The following TNFRSF1B variants were observed in gnomAD, a reference collection of about 807,000 sequenced individuals.
The protein encoded by TNFRSF1B is TNF receptor superfamily member 1B.
A neutral mutation model predicts 44.6 loss-of-function variants in TNFRSF1B; 19 were observed. The ratio of observed to expected loss-of-function variants is 0.43; its 90% CI spans 0.30 to 0.62. The LOEUF (loss-of-function observed/expected upper bound fraction) is 0.62. Ranked by LOEUF, TNFRSF1B falls within the 20% of genes least tolerant of loss-of-function variation. The pLI is 0.16. For synonymous variants in TNFRSF1B, 252 were observed against 261.1 expected, an observed-to-expected ratio of 0.97 and a Z score of 0.34; for missense variants, 541 against 619.9, an observed-to-expected ratio of 0.87 and a Z score of 1.35.
At chr1:12,188,946 G>A in intron 2 of TNFRSF1B, 51 bp downstream of exon 2, 2 of 1,547,380 alleles carry the variant, frequency 1.3e-6, no homozygotes, top group Non-Finnish European at 8.9e-7. Context: ...AGGAGCGTGT[G>A]TGTACAGGGG....
At chr1:12,206,284 G>T (rs1639500226) in intron 9 of TNFRSF1B, among the ~76,000 whole-genome samples, 1 of 151,634 alleles carries the variant, frequency 6.6e-6, no homozygotes, top group Admixed American at 6.6e-5. Flanking sequence ...TGATGTGGGA[G>T]GATCACTTGA....
intron 1 of TNFRSF1B, among the ~76,000 whole-genome samples, chr1:12,183,768 G>C (rs76769120): frequency 0.1 from 12,035 of 116,036 alleles, 916 homozygotes; most frequent in Non-Finnish European, 0.14. Context: ...TAGCTAGCTA[G>C]CTATCTATTC....
rs1389964063 is a variant in TNFRSF1B, at chr1:12,209,039, G to A, written c.*2019G>A. On this transcript the variant is annotated 3_prime_UTR_variant, in exon 10 of 10. Transcript: ENST00000376259. ...CATGATGGAGCGCACCTGCCCCCTG[G>A]TGGACAGTCCTGGGAGAACCTCAGG... The A allele has an allele frequency of 6.6e-6, 1 of 152,258 alleles. No homozygotes were observed. Among genetic ancestry groups the A allele is most frequent in the African/African-American group, 2.4e-5 (1 of 41,450 alleles). 9.4% of individuals were successfully genotyped at this position (152,258 alleles called of 1,614,324 possible).
chr1:12,182,102 C>G (rs1233431263), intron 1 of TNFRSF1B, among the ~76,000 whole-genome samples: 1 of 152,206 alleles, frequency 6.6e-6, no homozygotes, highest in Non-Finnish European at 1.5e-5. Flanking sequence ...ACCCAGTCTT[C>G]CTGGCCAGGG....
chr1:12,175,623 C>A (rs1193413359), intron 1 of TNFRSF1B, among the ~76,000 whole-genome samples: 2 of 152,166 alleles, frequency 1.3e-5, no homozygotes, highest in Non-Finnish European at 2.9e-5. Context: ...ATTTCCTGAG[C>A]CTCGCAAGCC....
At chr1:12,198,362 A>G (rs902004015) in intron 8 of TNFRSF1B, among the ~76,000 whole-genome samples, 1 of 152,102 alleles carries the variant, frequency 6.6e-6, no homozygotes, top group Non-Finnish European at 1.5e-5. Flanking sequence ...GAAGTTAGTA[A>G]CTTTCCCAGT....
intron 1 of TNFRSF1B, among the ~76,000 whole-genome samples, chr1:12,183,850 T>TCTATCTACCTACCTAC (rs1390376605): frequency 7.3e-6 from 1 of 137,376 alleles, no homozygotes; most frequent in Non-Finnish European, 1.7e-5. Flanking sequence ...TATCTATCTA[T>TCTATCTACCTACCTAC]CTACCTACCT....
intron 8 of TNFRSF1B, among the ~76,000 whole-genome samples, chr1:12,196,278 G>A (rs912232384): frequency 2.6e-5 from 4 of 152,126 alleles, no homozygotes; most frequent in Non-Finnish European, 4.4e-5. Flanking sequence ...TCCAGCCTGG[G>A]CAATAGAGCA....
At chr1:12,173,471 T>C (rs576392747) in intron 1 of TNFRSF1B, among the ~76,000 whole-genome samples, 1 of 152,314 alleles carries the variant, frequency 6.6e-6, no homozygotes, top group East Asian at 1.9e-4. Flanking sequence ...AAGGACATGG[T>C]GGAGCTCCTT....
At chr1:12,204,265 C>G (rs17884550) in intron 9 of TNFRSF1B, among the ~76,000 whole-genome samples, 2,533 of 152,296 alleles carry the variant, frequency 0.017, 43 homozygotes, top group Non-Finnish European at 0.02. Flanking sequence ...TCATGGTCCC[C>G]CATCCACCCC....
rs1454402183 is a variant in TNFRSF1B, at chr1:12,180,726, CCTGA to C, written c.79-8064_79-8061del. On this transcript the variant is annotated intron_variant, in intron 1 of 9. Transcript: ENST00000376259. This position sits in a 1 kb window ranked among gnomAD's most constrained non-coding sequence, Gnocchi z 4.3. ...GGGACGGTGTGCAGGGAGGGTGGAA[CCTGA>C]CTGACCGGGTCAGCCTTACTCTTCC... Among the ~76,000 whole-genome samples, 5 of 152,150 alleles carry C rather than the reference CCTGA, an allele frequency of 3.3e-5. No homozygotes were observed. The East Asian group carries it at 9.6e-4, about 29-fold the overall frequency.
At chr1:12,179,673 G>A (rs1365363715) in intron 1 of TNFRSF1B, among the ~76,000 whole-genome samples, 2 of 152,208 alleles carry the variant, frequency 1.3e-5, no homozygotes, top group African/African-American at 4.8e-5. Context: ...TCTGTAAAAT[G>A]AGGGAGCAGG....
intron 8 of TNFRSF1B, 88 bp downstream of exon 8, chr1:12,194,706 C>T: frequency 6.6e-7 from 1 of 1,516,048 alleles, no homozygotes; most frequent in Non-Finnish European, 9.2e-7. Flanking sequence ...TGAATTCTGT[C>T]ATTGGTCTGT....
chr1:12,207,001 C>T lies in TNFRSF1B; in HGVS notation c.1367C>T (p.Ala456Val), dbSNP rs1416244762. The T allele has an allele frequency of 6.3e-7, 1 of 1,590,402 alleles. No homozygotes were observed. Among genetic ancestry groups the T allele is most frequent in the African/African-American group, 1.3e-5 (1 of 74,542 alleles). Reference protein sequence around the residue: ...EKPLPLGVPDAGMKPS With the variant: ...EKPLPLGVPDVGMKPS ...CCCCTGCCCCTTGGAGTGCCTGATG[C>T]TGGGATGAAGCCCAGTTAACCAGGC... Residue 456 changes from alanine (A) to valine (V), a missense_variant, in exon 10 of 10, where the codon GCT becomes GTT. Physicochemically the swap from Ala to Val is moderately conservative, Grantham distance 64. Coordinates refer to ENST00000376259, the MANE Select transcript of TNFRSF1B (RefSeq NM_001066.3).
At chr1:12,192,560 G>T in intron 5 of TNFRSF1B, 36 bp downstream of exon 5, 1 of 1,597,626 alleles carries the variant, frequency 6.3e-7, no homozygotes, top group South Asian at 1.1e-5. Flanking sequence ...GGAGGAGCAG[G>T]GAGGGGCTGT....
chr1:12,183,653 AT>A (rs1169549171), intron 1 of TNFRSF1B, among the ~76,000 whole-genome samples: 10 of 128,336 alleles, frequency 7.8e-5, no homozygotes, highest in African/African-American at 2.4e-4. Context: ...TATTTTATCT[AT>A]TTTATCTATC....
chr1:12,183,850 T>TCTATCTATCTATCTACCTACCTAC (rs1390376605), intron 1 of TNFRSF1B, among the ~76,000 whole-genome samples: 3 of 137,376 alleles, frequency 2.2e-5, no homozygotes, highest in Non-Finnish European at 5.0e-5. Flanking sequence ...TATCTATCTA[T>TCTATCTATCTATCTACCTACCTAC]CTACCTACCT....
At chr1:12,170,666 TCTTA>T (rs892451923) in intron 1 of TNFRSF1B, among the ~76,000 whole-genome samples, 1 of 152,114 alleles carries the variant, frequency 6.6e-6, no homozygotes, top group Non-Finnish European at 1.5e-5. Flanking sequence ...CCAACTCACT[TCTTA>T]CTTTTTTTCT....
At chr1:12,173,223 T>C (rs921114340) in intron 1 of TNFRSF1B, among the ~76,000 whole-genome samples, 12 of 152,170 alleles carry the variant, frequency 7.9e-5, no homozygotes, top group African/African-American at 2.4e-4. Context: ...GTTCCAATGC[T>C]TTCCTAGAAT....
Sources: gnomAD v4.1 joint callset for allele counts (sites outside exome capture counted in the v4.1 genomes callset) on GRCh38, gnomAD v4.1.1 for gene constraint, Gnocchi (gnomAD v3.1) non-coding constraint, MANE v1.5 for transcripts, NCBI Gene and HGNC (gene_info 2026-07-23, HGNC 2026-07-21) for gene names.